DENND1C: variants seen among roughly 807,000 people sequenced by gnomAD.
DENND1C encodes DENN domain-containing protein 1C.
DENND1C carries 64 observed loss-of-function variants against 87.9 expected under a neutral mutation model. That is an observed-to-expected ratio of 0.73 (90% confidence interval 0.60 to 0.90). DENND1C has a LOEUF of 0.90. Among genes scored for constraint, DENND1C ranks in the 40% least tolerant of loss-of-function variants. The pLI is 0.00. For missense variants in DENND1C, 980 were observed against 1,037.0 expected (o/e 0.95, Z 0.76); for synonymous variants, 384 against 424.4 (o/e 0.90, Z 1.17).
Position 6,480,042 on chromosome 19 carries a change from G to A in DENND1C, c.27C>T (p.Ser9=). Residue 9 remains serine, a synonymous_variant, in exon 2 of 23, where the codon TCC becomes TCT. Transcript: ENST00000381480. MESRAEGG[S]PAVFDWFFEA... ...CGAAGAACCAATCAAACACAGCAGG[G>A]GAGCCCCCTCTGTGGGATGCAGAAG... 1.2e-6 allele frequency: 2 copies of A among 1,608,498 alleles called. No homozygotes were observed. The highest frequency in any genetic ancestry group is 1.7e-6 in the Non-Finnish European group (2 of 1,178,088).
intron 6 of DENND1C, among the ~76,000 whole-genome samples, chr19:6,477,745 G>A (rs1428433940): frequency 6.9e-6 from 1 of 145,146 alleles, no homozygotes; most frequent in Non-Finnish European, 1.5e-5. Flanking sequence ...CACCGCGCCC[G>A]GCTTTTTAAA....
Position 6,468,961 on chromosome 19 carries a change from G to A in DENND1C, c.1408-8C>T. Reference sequence around the variant, plus strand: ...CAGGACAGAGTCCCCATCCTAGGAAGAGAAGAGTGAACTGGGAACCTCTGC... The same window carrying A: ...CAGGACAGAGTCCCCATCCTAGGAAAAGAAGAGTGAACTGGGAACCTCTGC... On this transcript the variant is annotated splice_region_variant and splice_polypyrimidine_tract_variant and intron_variant, in intron 19 of 22. Coordinates refer to ENST00000381480, the MANE Select transcript of DENND1C (RefSeq NM_024898.4). The A allele has an allele frequency of 7.2e-7, 1 of 1,387,130 alleles. No individual in the cohort carries two copies. Among genetic ancestry groups the A allele is most frequent in the South Asian group, 2.0e-5 (1 of 49,464 alleles). 85.9% of individuals were successfully genotyped at this position (1,387,130 alleles called of 1,614,324 possible). A position where few individuals can be genotyped will look rare whatever the true frequency, so the allele number is the denominator to read the frequency against.
intron 14 of DENND1C, among the ~76,000 whole-genome samples, chr19:6,473,454 TG>T (rs762094614): frequency 0.067 from 3,107 of 46,352 alleles, 98 homozygotes; most frequent in Non-Finnish European, 0.12. Context: ...CGCCCAGCCC[TG>T]GTTTTTTTTT....
chr19:6,470,529 G>A (rs989323044), intron 17 of DENND1C, among the ~76,000 whole-genome samples, 163 bp from the exon 18 acceptor site: 29 of 151,916 alleles, frequency 1.9e-4, no homozygotes, highest in Admixed American at 6.6e-5. Context: ...GGTGACTTGC[G>A]GAGTTAAATT....
chr19:6,478,977 G>T lies in DENND1C; in HGVS notation c.256C>A (p.Arg86Ser). The T allele has an allele frequency of 6.2e-7, 1 of 1,613,846 alleles. No individual in the cohort carries two copies. Among genetic ancestry groups the T allele is most frequent in the East Asian group, 2.2e-5 (1 of 44,876 alleles). Residue 86 changes from arginine to serine, a missense_variant, in exon 5 of 23, where the codon CGC becomes AGC. Physicochemically the swap from Arg to Ser is moderately radical, Grantham distance 110. Transcript: ENST00000381480. Reference sequence around the variant, plus strand: ...CAGCTCTGGGTACCCGCCCGCAGGCGGCAGAAACCAAATCTGCGGTTGCCG... The same window carrying T: ...CAGCTCTGGGTACCCGCCCGCAGGCTGCAGAAACCAAATCTGCGGTTGCCG... The part of the protein sequence containing the change: ...LAGNRRFGFC[R>S]LRAGTQSCLC...
rs1337815497 is a variant in DENND1C at position 6,480,048 on chromosome 19, C to T, written c.21G>A (p.Gly7=). 2.5e-6 allele frequency: 4 copies of T among 1,606,848 alleles called. No individual in the cohort carries two copies. The highest frequency in any genetic ancestry group is 1.7e-5 in the Admixed American group (1 of 59,092). MESRAE[G]GSPAVFDWFF... ...ACCAATCAAACACAGCAGGGGAGCC[C>T]CCTCTGTGGGATGCAGAAGGGGTCC... The change falls in exon 2 of 23, where the codon GGG becomes GGA. Residue 7 remains glycine, a synonymous_variant. Coordinates refer to ENST00000381480, the MANE Select transcript of DENND1C (RefSeq NM_024898.4).
intron 17 of DENND1C, among the ~76,000 whole-genome samples, chr19:6,470,948 G>A (rs918571562): frequency 3.3e-5 from 5 of 151,180 alleles, no homozygotes; most frequent in South Asian, 2.1e-4. Flanking sequence ...ATGAGCCACC[G>A]TGCCCAGGCA....
Position 6,469,041 on chromosome 19 carries a change from T to TTG in DENND1C, c.1408-89_1408-88insCA, listed in dbSNP as rs1555746940. 1.2e-4 allele frequency: 96 copies of TTG among 788,098 alleles called. No individual in the cohort carries two copies. The African/African-American group carries it at 1.7e-3, about 14-fold the overall frequency. The allele number at this position is 788,098 out of a possible 1,614,324, so 48.8% of individuals were successfully genotyped here. ...TGGTCTTTAGTTAGTCTTTTTTTTT[T>TTG]TTTGTTTGAAATGAAGCTTCACTCA... On this transcript the variant is annotated intron_variant, in intron 19 of 22. Coordinates refer to ENST00000381480, the MANE Select transcript of DENND1C (RefSeq NM_024898.4).
chr19:6,479,557 A>G (rs1474446284), intron 4 of DENND1C, 112 bp downstream of exon 4: 1 of 1,353,988 alleles, frequency 7.4e-7, no homozygotes, highest in Non-Finnish European at 1.0e-6. Flanking sequence ...TCTGAGTCTC[A>G]GGGTCCTCGA....
chr19:6,476,914 C>G lies in DENND1C; in HGVS notation c.621G>C (p.Leu207=), dbSNP rs76343539. The G allele has an allele frequency of 1.9e-6, 3 of 1,613,432 alleles. No individual in the cohort carries two copies. The highest frequency in any genetic ancestry group is 2.5e-6 in the Non-Finnish European group (3 of 1,179,808). The part of the protein sequence containing the change: ...VAVTDENIVG[L]FAALLAERRV... The stretch of plus-strand genomic sequence containing the variant: ...TTCTCTCGGCCAGGAGCGCCGCGAA[C>G]AGCCCCACGATGTTCTCGTCAGTCA... The change falls in exon 10 of 23, where the codon CTG becomes CTC. Residue 207 remains leucine (L), a synonymous_variant. Transcript: ENST00000381480.
At position 6,468,921 on chromosome 19, in the gene DENND1C, A is replaced by G; in HGVS notation, c.1440T>C (p.Ser480=). The G allele has an allele frequency of 6.8e-7, 1 of 1,474,784 alleles. No individual in the cohort carries two copies. The highest frequency in any genetic ancestry group is 9.0e-7 in the Non-Finnish European group (1 of 1,117,124). 91.4% of individuals were successfully genotyped at this position (1,474,784 alleles called of 1,614,324 possible). The change falls in exon 20 of 23, where the codon TCT becomes TCC. Residue 480 remains serine, a synonymous_variant. Transcript: ENST00000381480. ...GGCTGGGGAGGGCTGGGGCCCTCAGAGAGCCCCCCCTCTGCAGGACAGAGT... is the reference window on the plus strand; with the variant it reads ...GGCTGGGGAGGGCTGGGGCCCTCAGGGAGCCCCCCCTCTGCAGGACAGAGT... The part of the protein sequence containing the change: ...DGDSVLQRGG[S]LRAPALPSRS...
intron 18 of DENND1C, 66 bp downstream of exon 18, chr19:6,470,229 C>T (rs1443996534): frequency 3.3e-6 from 5 of 1,519,096 alleles, no homozygotes; most frequent in South Asian, 2.4e-5. Context: ...CTTGGGAGGT[C>T]AAAGTGTCCT....
intron 10 of DENND1C, 127 bp downstream of exon 10, chr19:6,476,730 G>T: frequency 1.0e-6 from 1 of 953,298 alleles, no homozygotes; most frequent in Non-Finnish European, 1.5e-6. Flanking sequence ...CTTCGAAGGG[G>T]CGGGGCCAGG....
At chr19:6,469,564 G>C (rs1327070638) in intron 19 of DENND1C, 32 bp downstream of exon 19, 1 of 1,590,070 alleles carries the variant, frequency 6.3e-7, no homozygotes, top group Non-Finnish European at 8.6e-7. Context: ...GATTACAGGG[G>C]TGAGCCACTG....
At position 6,475,264 on chromosome 19, in the gene DENND1C, C is replaced by T. The variant is rs1486487259; in HGVS notation, c.1053+10G>A. ...CACGAGACCTCTCCCGCAGCGTCCC[C>T]GCTGCTCACCGGGCTGCAGACGAGT... On this transcript the variant is annotated intron_variant, in intron 14 of 22. Transcript: ENST00000381480. 2 of 1,612,754 alleles carry T rather than the reference C, an allele frequency of 1.2e-6. No individual in the cohort carries two copies. The highest frequency in any genetic ancestry group is 1.3e-5 in the African/African-American group (1 of 74,938).
At position 6,470,294 on chromosome 19, in the gene DENND1C, C is replaced by A; in HGVS notation, c.1362+1G>T. 6.2e-7 allele frequency: 1 copy of A among 1,607,268 alleles called. No individual in the cohort carries two copies. Among genetic ancestry groups the A allele is most frequent in the Non-Finnish European group, 8.5e-7 (1 of 1,177,246 alleles). ...GAGTGGCCTGTCCAGCTCAGCCTCA[C>A]CGAGCGGTACATGTTCTTGACGGCT... is the stretch of plus-strand genomic sequence containing the variant. On this transcript the variant is annotated splice_donor_variant, in intron 18 of 22. Coordinates refer to ENST00000381480, the MANE Select transcript of DENND1C (RefSeq NM_024898.4). LOFTEE classifies it high-confidence loss of function.
chr19:6,474,167 C>G (rs2092845719), intron 14 of DENND1C, among the ~76,000 whole-genome samples: 1 of 150,952 alleles, frequency 6.6e-6, no homozygotes. Context: ...TGCACTCCAG[C>G]CTGGGCAAGA....
Position 6,473,004 on chromosome 19 carries a change from C to A in DENND1C, c.1054-11G>T. ...GGTCACTGGCTGGCCCTGGAAGAAG[C>A]GTTGGAGTTCTGAGCTCCCTGGGGT... On this transcript the variant is annotated splice_polypyrimidine_tract_variant and intron_variant, in intron 14 of 22. Coordinates refer to ENST00000381480, the MANE Select transcript of DENND1C (RefSeq NM_024898.4). 2.0e-6 allele frequency: 3 copies of A among 1,510,864 alleles called. No individual in the cohort carries two copies. The highest frequency in any genetic ancestry group is 1.8e-6 in the Non-Finnish European group (2 of 1,130,400). 93.6% of individuals were successfully genotyped at this position (1,510,864 alleles called of 1,614,324 possible). A position where few individuals can be genotyped will look rare whatever the true frequency, so the allele number is the denominator to read the frequency against.
intron 14 of DENND1C, among the ~76,000 whole-genome samples, chr19:6,474,469 T>C (rs2092847465): frequency 1.3e-5 from 2 of 152,180 alleles, no homozygotes. Context: ...GGCTTCAACA[T>C]TCACCCACTG....
Sources: allele counts gnomAD v4.1 joint callset (sites outside exome capture counted in the v4.1 genomes callset), GRCh38; gene constraint gnomAD v4.1.1; transcripts MANE v1.5; gene names NCBI Gene and HGNC (gene_info 2026-07-23, HGNC 2026-07-21).